SLC2A10: variants seen among roughly 807,000 people sequenced by gnomAD.
SLC2A10 encodes solute carrier family 2 member 10, also known as solute carrier family 2, facilitated glucose transporter member 10.
SLC2A10 carries 25 observed loss-of-function variants against 32.1 expected under a neutral mutation model. The observed-to-expected ratio is 0.78, with a 90% CI of 0.57 to 1.09. The LOEUF is 1.09. SLC2A10 is among the 50% of genes least tolerant of loss of function. The pLI is 0.00. For missense variants in SLC2A10, 673 were observed against 686.5 expected (o/e 0.98, Z 0.22); for synonymous variants, 332 against 309.6 (o/e 1.07, Z -0.76).
At chr20:46,733,291 C>T (rs931650981) in intron 4 of SLC2A10, among the ~76,000 whole-genome samples, 3 of 152,104 alleles carry the variant, frequency 2.0e-5, no homozygotes, top group African/African-American at 7.2e-5. Context: ...GTGCTGCACA[C>T]TTTTAAATCA....
Position 46,726,905 on chromosome 20 carries a change from C to G in SLC2A10, c.1330C>G (p.Arg444Gly). 1 of 1,614,124 alleles carries G rather than the reference C, an allele frequency of 6.2e-7. No homozygotes were observed. Among genetic ancestry groups the G allele is most frequent in the Non-Finnish European group, 8.5e-7 (1 of 1,180,022 alleles). The change falls in exon 3 of 5, where the codon CGA becomes GGA. Residue 444 changes from arginine (R) to glycine (G), a missense_variant. Transcript: ENST00000359271. Reference sequence around the variant, plus strand: ...CAGCGAGATCTACCCTGTGGAGATACGAGGAAGAGCCTTCGCCTTCTGCAA... The same window carrying G: ...CAGCGAGATCTACCCTGTGGAGATAGGAGGAAGAGCCTTCGCCTTCTGCAA... ...VLSEIYPVEI[R>G]GRAFAFCNSF...
chr20:46,713,609 G>A (rs764292627), intron 1 of SLC2A10, among the ~76,000 whole-genome samples: 131 of 152,188 alleles, frequency 8.6e-4, no homozygotes, highest in Non-Finnish European at 1.4e-3. Flanking sequence ...TGAAATAGGA[G>A]CCTTGGAGGG....
chr20:46,732,406 C>G (rs963450833), intron 4 of SLC2A10, among the ~76,000 whole-genome samples: 8 of 152,012 alleles, frequency 5.3e-5, no homozygotes, highest in African/African-American at 1.9e-4. Context: ...GGGGACAGAC[C>G]CATGACCGGG....
At chr20:46,721,309 T>G (rs1979538354) in intron 1 of SLC2A10, among the ~76,000 whole-genome samples, 1 of 152,178 alleles carries the variant, frequency 6.6e-6, no homozygotes, top group Non-Finnish European at 1.5e-5. Flanking sequence ...ACTGGCCTGG[T>G]GTCACACTGC....
chr20:46,723,961 G>C (rs1979698768), intron 1 of SLC2A10, among the ~76,000 whole-genome samples: 1 of 152,214 alleles, frequency 6.6e-6, no homozygotes, highest in South Asian at 2.1e-4. Flanking sequence ...GGCCATATAA[G>C]TACTAACCAT....
At position 46,733,841 on chromosome 20, in the gene SLC2A10, C is replaced by T. The variant is rs184333910; in HGVS notation, c.*7C>T. On this transcript the variant is annotated 3_prime_UTR_variant, in exon 5 of 5. Transcript: ENST00000359271. ...GATCTCTGCGGCCTCCTGAGGAATC[C>T]GTCTGCCTGGAAATTCTGGAACTGT... 105 of 1,613,860 alleles carry T rather than the reference C, an allele frequency of 6.5e-5. No homozygotes were observed. Among genetic ancestry groups the T allele is most frequent in the Non-Finnish European group, 8.6e-5 (101 of 1,179,772 alleles).
intron 1 of SLC2A10, among the ~76,000 whole-genome samples, chr20:46,723,403 G>T (rs1161808099): frequency 1.3e-5 from 2 of 152,166 alleles, no homozygotes; most frequent in East Asian, 1.9e-4. Flanking sequence ...TGTGGGAAAG[G>T]TGGGAAATGT....
intron 1 of SLC2A10, among the ~76,000 whole-genome samples, chr20:46,717,740 T>A (rs1047650682): frequency 6.6e-6 from 1 of 152,190 alleles, no homozygotes; most frequent in Non-Finnish European, 1.5e-5. Context: ...TCCAGCTGTA[T>A]ACTGCTTTCA....
chr20:46,728,571 A>G (rs1031433065), intron 3 of SLC2A10, among the ~76,000 whole-genome samples: 1 of 149,122 alleles, frequency 6.7e-6, no homozygotes, highest in Non-Finnish European at 1.5e-5. Flanking sequence ...TGATCAATTC[A>G]CTGAATGACC....
intron 3 of SLC2A10, among the ~76,000 whole-genome samples, chr20:46,728,558 G>GAATGATCA (rs1454870505): frequency 6.7e-6 from 1 of 149,804 alleles, no homozygotes; most frequent in African/African-American, 2.5e-5. Flanking sequence ...TCAATTCTCT[G>GAATGATCA]AATGATCAAT....
At position 46,725,217 on chromosome 20, in the gene SLC2A10, G is replaced by A. The variant is rs768203290; in HGVS notation, c.181G>A (p.Ala61Thr). ...VGSLLLGALL[A>T]SLVGGFLIDC... ...CAGCCTGCTCCTGGGGGCTCTCCTC[G>A]CCTCCCTGGTTGGTGGCTTCCTCAT... Residue 61 changes from alanine to threonine, a missense_variant, in exon 2 of 5, where the codon GCC (alanine) becomes ACC (threonine). Physicochemically the swap from Ala to Thr is moderately conservative, Grantham distance 58. Transcript: ENST00000359271. The A allele has an allele frequency of 3.7e-6, 6 of 1,614,090 alleles. No homozygotes were observed. Among genetic ancestry groups the A allele is most frequent in the South Asian group, 2.2e-5 (2 of 91,072 alleles).
chr20:46,719,921 G>T (rs567568424), intron 1 of SLC2A10, among the ~76,000 whole-genome samples: 1 of 152,170 alleles, frequency 6.6e-6, no homozygotes, highest in Non-Finnish European at 1.5e-5. Flanking sequence ...GAAGCAGCTT[G>T]CCCAGGGTGG....
At chr20:46,733,014 G>A (rs111618880) in intron 4 of SLC2A10, among the ~76,000 whole-genome samples, 236 of 152,256 alleles carry the variant, frequency 1.6e-3, no homozygotes, top group African/African-American at 5.5e-3. Context: ...GTGGGGGAGG[G>A]CAGCCATGGT....
At chr20:46,723,469 G>T (rs1338114923) in intron 1 of SLC2A10, among the ~76,000 whole-genome samples, 1 of 152,302 alleles carries the variant, frequency 6.6e-6, no homozygotes, top group East Asian at 1.9e-4. Context: ...AATGGACATT[G>T]ATTGGGCCAC....
intron 3 of SLC2A10, among the ~76,000 whole-genome samples, chr20:46,727,461 C>T (rs1330611913): frequency 6.6e-6 from 1 of 152,154 alleles, no homozygotes; most frequent in African/African-American, 2.4e-5. Context: ...GCTGGGACTA[C>T]AGGCACCCGC....
In SLC2A10 at chr20:46,726,161, G is replaced by A; in HGVS notation, c.1125G>A (p.Lys375=). 6.2e-7 allele frequency: 1 copy of A among 1,614,228 alleles called. No homozygotes were observed. The highest frequency in any genetic ancestry group is 8.5e-7 in the Non-Finnish European group (1 of 1,180,036). The change falls in exon 2 of 5, where the codon AAG becomes AAA. Residue 375 remains lysine, a synonymous_variant. Coordinates refer to ENST00000359271, the MANE Select transcript of SLC2A10 (RefSeq NM_030777.4). ...TCTTGTCCACTGCTAAGAAAACCAA[G>A]CCCCATCCCAGATCTGGAGACCCCT... ...EPILSTAKKT[K]PHPRSGDPSA...
chr20:46,709,953 C>T, intron 1 of SLC2A10: 1 of 572,924 alleles, frequency 1.7e-6, no homozygotes, highest in Non-Finnish European at 3.0e-6. Context: ...TCCTTTCTGC[C>T]CCGGAAAAGT....
Position 46,712,663 on chromosome 20 carries a change from T to G in SLC2A10, c.4+2923T>G, listed in dbSNP as rs555778469. Among the ~76,000 whole-genome samples, 730 of 143,562 alleles carry G rather than the reference T, an allele frequency of 5.1e-3. 3 individuals carry two copies. Among genetic ancestry groups the G allele is most frequent in the African/African-American group, 0.018 (697 of 38,970 alleles). The allele number at this position is 143,562 out of a possible 152,430, so 94.2% of individuals were successfully genotyped here. On this transcript the variant is annotated intron_variant, in intron 1 of 4. Coordinates refer to ENST00000359271, the MANE Select transcript of SLC2A10 (RefSeq NM_030777.4). ...GTCTTCTTTCTTTCTTTTTTTTTTTTTTTTTTTTTTGACAAAGTCTGGCTC... is the reference window on the plus strand; with the variant it reads ...GTCTTCTTTCTTTCTTTTTTTTTTTGTTTTTTTTTTGACAAAGTCTGGCTC...
At position 46,733,651 on chromosome 20, in the gene SLC2A10, A is replaced by G. The variant is rs568076958; in HGVS notation, c.1548-105A>G. ...AGGAGGCAGGAAGGGTCATGGTAGG[A>G]GTGAAGGTGGGATTGGGTGGTGGGA... On this transcript the variant is annotated intron_variant, in intron 4 of 4. Transcript: ENST00000359271. 3.5e-6 allele frequency: 3 copies of G among 849,122 alleles called. No individual in the cohort carries two copies. In the South Asian group the frequency reaches 4.0e-5, roughly 11 times the overall value. 52.6% of individuals were successfully genotyped at this position (849,122 alleles called of 1,614,324 possible).
Sources: gnomAD v4.1 joint callset for allele counts (sites outside exome capture counted in the v4.1 genomes callset) on GRCh38, gnomAD v4.1.1 for gene constraint, MANE v1.5 for transcripts, NCBI Gene and HGNC (gene_info 2026-07-23, HGNC 2026-07-21) for gene names.